The following MED17 variants were observed in gnomAD, a reference collection of about 807,000 sequenced individuals.
MED17 encodes the protein mediator of RNA polymerase II transcription subunit 17.
A neutral mutation model predicts 80.8 loss-of-function variants in MED17; 49 were observed. The observed-to-expected ratio is 0.61, with a 90% confidence interval of 0.48 to 0.77. The LOEUF (loss-of-function observed/expected upper bound fraction) is 0.77. Ranked by LOEUF, MED17 falls within the 30% of genes least tolerant of loss-of-function variation. MED17 has a pLI of 0.00. For synonymous variants in MED17, 281 were observed against 280.4 expected, an observed-to-expected ratio of 1.00 and a Z score of -0.02; for missense variants, 718 against 787.0, an observed-to-expected ratio of 0.91 and a Z score of 1.05.
chr11:93,793,902 A>G, intron 4 of MED17, 38 bp downstream of exon 4: 1 of 1,613,156 alleles, frequency 6.2e-7, no homozygotes, highest in South Asian at 1.1e-5. Flanking sequence ...TTTCTTACGA[A>G]TAGCCTGAAG....
At chr11:93,794,827 C>T in intron 5 of MED17, 81 bp from the exon 6 acceptor site, 3 of 1,422,610 alleles carry the variant, frequency 2.1e-6, no homozygotes, top group Admixed American at 3.4e-5. Flanking sequence ...AAACTTTTGT[C>T]ATATGTATTC....
At chr11:93,787,572 T>A (rs990459145) in intron 1 of MED17, among the ~76,000 whole-genome samples, 2 of 152,226 alleles carry the variant, frequency 1.3e-5, no homozygotes, top group Admixed American at 6.5e-5. Context: ...TTCATGTATT[T>A]AATCACAATA....
At chr11:93,811,601 C>A in intron 11 of MED17, 1 of 500,200 alleles carries the variant, frequency 2.0e-6, no homozygotes, top group East Asian at 3.6e-5. Context: ...ATTTGACATT[C>A]CTAGGTCAAA....
chr11:93,790,372 G>C (rs769807263), intron 2 of MED17: 26 of 606,902 alleles, frequency 4.3e-5, no homozygotes, highest in South Asian at 3.6e-4. Flanking sequence ...CCATTGTAGT[G>C]TTTTTGGTTT....
chr11:93,814,088 G>A lies in MED17; in HGVS notation c.*2024G>A, dbSNP rs575779784. On this transcript the variant is annotated 3_prime_UTR_variant, in exon 12 of 12. Coordinates refer to ENST00000251871, the MANE Select transcript of MED17 (RefSeq NM_004268.5). ...TGTCATGAATCAGTAACAAATCATGGACCAGGACCACACCTTGAGTAGAAT... is the reference window on the plus strand; with the variant it reads ...TGTCATGAATCAGTAACAAATCATGAACCAGGACCACACCTTGAGTAGAAT... The A allele has an allele frequency of 4.6e-5, 7 of 152,260 alleles. No homozygotes were observed. The highest frequency in any genetic ancestry group is 6.8e-3 in the Middle Eastern group (2 of 294). The allele number at this position is 152,260 out of a possible 1,614,324, so 9.4% of individuals were successfully genotyped here. A position where few individuals can be genotyped will look rare whatever the true frequency, so the allele number is the denominator to read the frequency against.
intron 10 of MED17, chr11:93,808,339 A>G (rs1179169346): frequency 2.1e-5 from 3 of 143,470 alleles, no homozygotes; most frequent in East Asian, 4.4e-4. Flanking sequence ...ACTTCAGCCC[A>G]GGGTGACAGA....
intron 1 of MED17, among the ~76,000 whole-genome samples, chr11:93,785,162 C>T (rs988189991): frequency 4.6e-5 from 7 of 152,158 alleles, no homozygotes; most frequent in African/African-American, 1.4e-4. Flanking sequence ...GATAGTAGCA[C>T]CTGCAGAAAA....
At position 93,804,045 on chromosome 11, in the gene MED17, A is replaced by ACG. The variant is rs1565293352; in HGVS notation, c.1466+2075_1466+2076dup. Among the ~76,000 whole-genome samples the ACG allele has an allele frequency of 1.0e-3, 86 of 85,602 alleles. 2 individuals are homozygous for ACG. The highest frequency in any genetic ancestry group is 4.5e-3 in the Admixed American group (27 of 5,968). 56.2% of individuals were successfully genotyped at this position (85,602 alleles called of 152,430 possible). Reference sequence around the variant, plus strand: ...TATATATACACACACACATATACACACGCACACACACACACATAAAGGGGA... The same window carrying ACG: ...TATATATACACACACACATATACACACGCGCACACACACACACATAAAGGGGA... On this transcript the variant is annotated intron_variant, in intron 9 of 11. Coordinates refer to ENST00000251871, the MANE Select transcript of MED17 (RefSeq NM_004268.5).
At chr11:93,803,500 G>T (rs144653620) in intron 9 of MED17, among the ~76,000 whole-genome samples, 85 of 152,224 alleles carry the variant, frequency 5.6e-4, no homozygotes, top group African/African-American at 2.0e-3. Flanking sequence ...AATAATTGGG[G>T]TGATTTGAGG....
At chr11:93,811,441 T>C in intron 11 of MED17, 1 of 208,660 alleles carries the variant, frequency 4.8e-6, no homozygotes, top group Non-Finnish European at 9.7e-6. Context: ...GAGGCTGAGG[T>C]GGGAGGATTG....
intron 1 of MED17, 110 bp downstream of exon 1, chr11:93,784,873 T>G: frequency 7.0e-7 from 1 of 1,429,328 alleles, no homozygotes; most frequent in Non-Finnish European, 9.4e-7. Flanking sequence ...AACTTTTGAG[T>G]GTCCCTCTAG....
chr11:93,794,197 C>G, intron 5 of MED17, 162 bp downstream of exon 5: 3 of 449,368 alleles, frequency 6.7e-6, no homozygotes, highest in Middle Eastern at 1.3e-3. Context: ...AATAGCTGTG[C>G]AATTTTTTTT....
At chr11:93,790,074 T>C (rs1024657429) in intron 2 of MED17, among the ~76,000 whole-genome samples, 15 of 152,224 alleles carry the variant, frequency 9.9e-5, no homozygotes, top group East Asian at 1.9e-4. Context: ...TTTACAGTTA[T>C]ACCCATTGCA....
At chr11:93,794,199 A>ATTTTTTTTTTTTTTTTTTTTTTTTTTTT (rs35300764) in intron 5 of MED17, 164 bp downstream of exon 5, 2 of 284,586 alleles carry the variant, frequency 7.0e-6, no homozygotes, top group Non-Finnish European at 1.3e-5. Flanking sequence ...TAGCTGTGCA[A>ATTTTTTTTTTTTTTTTTTTTTTTTTTTT]TTTTTTTTTT....
At chr11:93,802,276 A>G (rs1351585814) in intron 9 of MED17, among the ~76,000 whole-genome samples, 3 of 152,054 alleles carry the variant, frequency 2.0e-5, no homozygotes, top group Non-Finnish European at 2.9e-5. Flanking sequence ...CTAATTAAAA[A>G]AATTTTTTTT....
At chr11:93,794,424 G>A (rs943446838) in intron 5 of MED17, 6 of 251,190 alleles carry the variant, frequency 2.4e-5, no homozygotes, top group Non-Finnish European at 3.9e-5. Flanking sequence ...GGCTGGTCTC[G>A]AACACCCAAC....
Position 93,789,533 on chromosome 11 carries a change from C to T in MED17, c.418-1041C>T, listed in dbSNP as rs1379060863. 5 of 152,148 alleles carry T rather than the reference C, an allele frequency of 3.3e-5. No individual in the cohort carries two copies. The East Asian group carries it at 9.6e-4, about 29-fold the overall frequency. 9.4% of individuals were successfully genotyped at this position (152,148 alleles called of 1,614,324 possible). A position where few individuals can be genotyped will look rare whatever the true frequency, so the allele number is the denominator to read the frequency against. ...AGCTTTTTATGTGATTTTTGACTCT[C>T]ATACAGCCAGAAAACTGTATTAAAC... On this transcript the variant is annotated intron_variant, in intron 2 of 11. Coordinates refer to ENST00000251871, the MANE Select transcript of MED17 (RefSeq NM_004268.5).
chr11:93,793,540 A>G lies in MED17; in HGVS notation c.638-188A>G, dbSNP rs1943865206. 11 of 544,248 alleles carry G rather than the reference A, an allele frequency of 2.0e-5. No homozygotes were observed. In the South Asian group the frequency reaches 2.6e-4, roughly 13 times the overall value. The allele number at this position is 544,248 out of a possible 1,614,324, so 33.7% of individuals were successfully genotyped here. On this transcript the variant is annotated intron_variant, in intron 3 of 11. Coordinates refer to ENST00000251871, the MANE Select transcript of MED17 (RefSeq NM_004268.5). Reference sequence around the variant, plus strand: ...TTTTTTTTTTTTAAGGTAAATAACCACCCCCCACCTTTATCTTTCTTTCCT... The same window carrying G: ...TTTTTTTTTTTTAAGGTAAATAACCGCCCCCCACCTTTATCTTTCTTTCCT...
chr11:93,784,716 A>G lies in MED17; in HGVS notation c.203A>G (p.Gln68Arg). The G allele has an allele frequency of 1.3e-6, 2 of 1,547,668 alleles. No homozygotes were observed. Among genetic ancestry groups the G allele is most frequent in the Non-Finnish European group, 1.7e-6 (2 of 1,148,808 alleles). Reference protein sequence around the residue: ...EEAAGTEGDAQEWPGAGSSAD... With the variant: ...EEAAGTEGDAREWPGAGSSAD... ...GCGGCGGGGACCGAGGGCGACGCGC[A>G]GGAGTGGCCGGGCGCCGGGTCCAGC... is the stretch of plus-strand genomic sequence containing the variant. Residue 68 changes from glutamine to arginine, a missense_variant, in exon 1 of 12, where the codon CAG (glutamine) becomes CGG (arginine). Coordinates refer to ENST00000251871, the MANE Select transcript of MED17 (RefSeq NM_004268.5).
Sources: gnomAD v4.1 joint callset for allele counts (sites outside exome capture counted in the v4.1 genomes callset) on GRCh38, gnomAD v4.1.1 for gene constraint, MANE v1.5 for transcripts, NCBI Gene and HGNC (gene_info 2026-07-23, HGNC 2026-07-21) for gene names.